PCSK2: variants seen among roughly 807,000 people sequenced by gnomAD.
PCSK2 encodes the protein neuroendocrine convertase 2.
In PCSK2, 14 loss-of-function variants were observed where a neutral mutation model predicts 69.7. The ratio of observed to expected loss-of-function variants is 0.20; its 90% confidence interval spans 0.13 to 0.31. The LOEUF (loss-of-function observed/expected upper bound fraction) is 0.31, where lower values mean the gene tolerates loss of function less well. PCSK2 is among the 10% of genes least tolerant of loss of function. PCSK2 has a pLI of 1.00. For synonymous variants in PCSK2, 307 were observed against 320.7 expected (o/e 0.96, Z 0.46); for missense variants, 544 against 842.5 (o/e 0.65, Z 4.39).
rs1355099690 is a variant in PCSK2 at position 17,286,031 on chromosome 20, T to C, written c.282+25687T>C. Among the ~76,000 whole-genome samples, 4 of 152,344 alleles carry C rather than the reference T, an allele frequency of 2.6e-5. No individual in the cohort carries two copies. The East Asian group carries it at 7.7e-4, about 29-fold the overall frequency. On this transcript the variant is annotated intron_variant, in intron 2 of 11. Coordinates refer to ENST00000262545, the MANE Select transcript of PCSK2 (RefSeq NM_002594.5). ...AGTTTTAATTGACACAAAATATAAT[T>C]TTGAAAGCCTGCAAAAAAATGCATA...
chr20:17,229,210 A>T (rs1041549228), intron 1 of PCSK2, among the ~76,000 whole-genome samples: 2 of 151,856 alleles, frequency 1.3e-5, no homozygotes, highest in Non-Finnish European at 2.9e-5. Flanking sequence ...CGTTGAGGAA[A>T]TTGGTTCAGA....
At chr20:17,355,496 C>A (rs1568615547) in intron 2 of PCSK2, among the ~76,000 whole-genome samples, 1 of 152,138 alleles carries the variant, frequency 6.6e-6, no homozygotes, top group African/African-American at 2.4e-5. Flanking sequence ...AGTGAGACAC[C>A]TTCTTTCCCA....
chr20:17,481,688 C>T lies in PCSK2; in HGVS notation c.1535C>T (p.Thr512Met), dbSNP rs754916065. The T allele has an allele frequency of 1.2e-6, 2 of 1,614,168 alleles. No individual in the cohort carries two copies. The highest frequency in any genetic ancestry group is 2.7e-5 in the African/African-American group (2 of 75,044). The change falls in exon 12 of 12, where the codon ACG (threonine) becomes ATG (methionine). Residue 512 changes from threonine to methionine, a missense_variant. Physicochemically the swap from Thr to Met is moderately conservative, Grantham distance 81. Around this residue, in one of 3 missense-constraint regions of PCSK2, gnomAD observed 200 missense variants for 287.8 expected, o/e 0.69. Coordinates refer to ENST00000262545, the MANE Select transcript of PCSK2 (RefSeq NM_002594.5). Reference sequence around the variant, plus strand: ...CTGGAGCATGTCCAGGCTGTCATCACGGTCAACGCAACCAGAAGAGGAGAC... The same window carrying T: ...CTGGAGCATGTCCAGGCTGTCATCATGGTCAACGCAACCAGAAGAGGAGAC... ...RYLEHVQAVI[T>M]VNATRRGDLN...
intron 1 of PCSK2, among the ~76,000 whole-genome samples, chr20:17,238,290 A>G (rs1986419540): frequency 7.7e-5 from 3 of 39,080 alleles, no homozygotes; most frequent in Non-Finnish European, 2.0e-4. Context: ...CACTTGTCAG[A>G]CCACTGGAGA....
intron 3 of PCSK2, among the ~76,000 whole-genome samples, chr20:17,359,834 A>G (rs1360882618): frequency 6.6e-6 from 1 of 152,228 alleles, no homozygotes; most frequent in East Asian, 1.9e-4. Context: ...AAACCTACAC[A>G]GTACAAAGAC....
intron 11 of PCSK2, among the ~76,000 whole-genome samples, chr20:17,471,924 G>C (rs2033209009): frequency 6.6e-6 from 1 of 152,250 alleles, no homozygotes. Flanking sequence ...AGCTTCCAAG[G>C]TGGAGTGAGT....
chr20:17,394,227 T>C (rs2031455658), intron 5 of PCSK2, among the ~76,000 whole-genome samples: 1 of 152,226 alleles, frequency 6.6e-6, no homozygotes, highest in Admixed American at 6.5e-5. Flanking sequence ...TGACAACTCT[T>C]ATAATGTCAA....
intron 8 of PCSK2, among the ~76,000 whole-genome samples, chr20:17,447,093 T>TA (rs3831875): frequency 5.7e-5 from 8 of 140,422 alleles, no homozygotes; most frequent in African/African-American, 1.7e-4. Context: ...TCATCTCTAC[T>TA]AAAAAAAATA....
intron 3 of PCSK2, among the ~76,000 whole-genome samples, chr20:17,359,494 C>T (rs1046079570): frequency 6.6e-6 from 1 of 152,202 alleles, no homozygotes; most frequent in African/African-American, 2.4e-5. Context: ...CATTCCCACA[C>T]TGCTTTCATA....
At chr20:17,260,472 A>G (rs1053166862) in intron 2 of PCSK2, 128 bp downstream of exon 2, 1 of 662,118 alleles carries the variant, frequency 1.5e-6, no homozygotes, top group African/African-American at 1.8e-5. Flanking sequence ...GGGCAAATGA[A>G]TGCTTTGCAG....
intron 8 of PCSK2, among the ~76,000 whole-genome samples, chr20:17,452,004 C>G (rs756903493): frequency 6.6e-6 from 1 of 150,632 alleles, no homozygotes; most frequent in Non-Finnish European, 1.5e-5. Context: ...CTGCACCTCC[C>G]GAATAGCTGG....
chr20:17,465,070 C>T (rs141379546), intron 10 of PCSK2: 39 of 499,326 alleles, frequency 7.8e-5, no homozygotes, highest in Middle Eastern at 4.2e-4. Context: ...TTAGCCATTC[C>T]GGTGTGTGTG....
intron 5 of PCSK2, among the ~76,000 whole-genome samples, chr20:17,376,049 C>T (rs1004911470): frequency 4.6e-5 from 7 of 152,204 alleles, no homozygotes; most frequent in African/African-American, 1.4e-4. Context: ...TGCCTACCCA[C>T]GCCTCTGCCA....
rs386393432 is a variant in PCSK2 at position 17,447,270 on chromosome 20, CA to C, written c.886-6457del. 4.7e-3 allele frequency among the ~76,000 whole-genome samples: 606 copies of C among 127,620 alleles called. 9 individuals carry two copies. The highest frequency in any genetic ancestry group is 0.015 in the African/African-American group (499 of 34,322). The allele number at this position is 127,620 out of a possible 152,430, so 83.7% of individuals were successfully genotyped here. A position where few individuals can be genotyped will look rare whatever the true frequency, so the allele number is the denominator to read the frequency against. ...TGGGTGACAGAGCTATACTCTGTCT[CA>C]AAAAAAAAAAAAAATCTATGAAAGA... On this transcript the variant is annotated intron_variant, in intron 8 of 11. Coordinates refer to ENST00000262545, the MANE Select transcript of PCSK2 (RefSeq NM_002594.5).
chr20:17,285,251 C>A lies in PCSK2; in HGVS notation c.282+24907C>A, dbSNP rs536822722. 4.6e-5 allele frequency among the ~76,000 whole-genome samples: 7 copies of A among 152,108 alleles called. No homozygotes were observed. The East Asian group carries it at 1.3e-3, about 29-fold the overall frequency. On this transcript the variant is annotated intron_variant, in intron 2 of 11. Transcript: ENST00000262545. ...ATTTTTCAAAGTTACTTTTTCTTGT[C>A]GGGTGGGAACAGGGAAATAGAACAA... is the stretch of plus-strand genomic sequence containing the variant.
In PCSK2 at chr20:17,480,184, C is replaced by CTTTTTTTTTTTTT. The variant is rs1164266992; in HGVS notation, c.1431-1389_1431-1377dup. ...ATTAATTTACCCATTTTCAGCTTTT[C>CTTTTTTTTTTTTT]TTTTTTTTTTTTTTTTTTTTTTTGA... On this transcript the variant is annotated intron_variant, in intron 11 of 11. Transcript: ENST00000262545. Among the ~76,000 whole-genome samples the CTTTTTTTTTTTTT allele has an allele frequency of 4.9e-3, 377 of 76,970 alleles. 30 individuals carry two copies. The highest frequency in any genetic ancestry group is 6.9e-3 in the Non-Finnish European group (295 of 42,472). The allele number at this position is 76,970 out of a possible 152,430, so 50.5% of individuals were successfully genotyped here. A position where few individuals can be genotyped will look rare whatever the true frequency, so the allele number is the denominator to read the frequency against.
intron 8 of PCSK2, among the ~76,000 whole-genome samples, chr20:17,449,507 C>CATATATGTATGTATGTATGTATATAT (rs2032765831): frequency 1.4e-5 from 1 of 70,326 alleles, no homozygotes; most frequent in Non-Finnish European, 3.3e-5. Context: ...TATAAATATA[C>CATATATGTATGTATGTATGTATATAT]ATATATATAT....
rs74319990 is a variant in PCSK2 at position 17,438,352 on chromosome 20, T to C, written c.885+1469T>C. The stretch of plus-strand genomic sequence containing the variant: ...TAAAATAAGTGAATGTACAGAACGC[T>C]ATGTTTAACGCAGGCATAAAAAAGA... On this transcript the variant is annotated intron_variant, in intron 8 of 11. Coordinates refer to ENST00000262545, the MANE Select transcript of PCSK2 (RefSeq NM_002594.5). Among the ~76,000 whole-genome samples the C allele has an allele frequency of 9.7e-3, 1,477 of 152,308 alleles. 15 individuals are homozygous for C. Among genetic ancestry groups the C allele is most frequent in the Middle Eastern group, 0.027 (8 of 294 alleles).
At chr20:17,243,303 T>C (rs1986652227) in intron 1 of PCSK2, among the ~76,000 whole-genome samples, 1 of 152,140 alleles carries the variant, frequency 6.6e-6, no homozygotes, top group Non-Finnish European at 1.5e-5. Context: ...TGGGCTCTAG[T>C]GATCCTCTCA....
Sources: allele counts gnomAD v4.1 joint callset (sites outside exome capture counted in the v4.1 genomes callset), GRCh38; gene constraint gnomAD v4.1.1; regional missense constraint gnomAD v4.1.1; transcripts MANE v1.5; gene names NCBI Gene and HGNC (gene_info 2026-07-23, HGNC 2026-07-21).